Variants in TMX1 observed in about 807,000 individuals in gnomAD.
TMX1 encodes thioredoxin-related transmembrane protein 1.
A neutral mutation model predicts 36.6 loss-of-function variants in TMX1; 25 were observed. The ratio of observed to expected loss-of-function variants is 0.68; its 90% CI spans 0.50 to 0.95. The LOEUF (loss-of-function observed/expected upper bound fraction) is 0.95. Among genes scored for constraint, TMX1 ranks in the 40% least tolerant of loss-of-function variants. The pLI is 0.00. For missense variants in TMX1, 347 were observed against 339.6 expected (o/e 1.02, Z -0.17); for synonymous variants, 133 against 118.0 (o/e 1.13, Z -0.82).
intron 1 of TMX1, 107 bp downstream of exon 1, chr14:51,240,551 G>T: frequency 7.0e-7 from 1 of 1,432,934 alleles, no homozygotes. Context: ...CCTCCGAGTT[G>T]CGGAGCGAGC....
intron 4 of TMX1, among the ~76,000 whole-genome samples, chr14:51,247,875 A>G (rs1384314076): frequency 6.6e-6 from 1 of 152,210 alleles, no homozygotes; most frequent in Non-Finnish European, 1.5e-5. Context: ...TTGAATGAGT[A>G]GGCTCAAACT....
chr14:51,243,769 A>G (rs2065772842), intron 1 of TMX1, 87 bp from the exon 2 acceptor site: 26 of 900,910 alleles, frequency 2.9e-5, no homozygotes, highest in Non-Finnish European at 4.0e-5. Flanking sequence ...TATTCTTCAT[A>G]AATTATACAT....
At chr14:51,250,771 G>A (rs984505023) in intron 7 of TMX1, among the ~76,000 whole-genome samples, 2 of 152,154 alleles carry the variant, frequency 1.3e-5, no homozygotes, top group African/African-American at 2.4e-5. Flanking sequence ...GATTACAGGC[G>A]TGAGCCACTG....
At chr14:51,250,554 C>T (rs1275030735) in intron 7 of TMX1, among the ~76,000 whole-genome samples, 5 of 152,132 alleles carry the variant, frequency 3.3e-5, no homozygotes, top group Admixed American at 3.3e-4. Flanking sequence ...TGCAGTGGCG[C>T]GATCTTGGCT....
At chr14:51,249,415 C>A in intron 5 of TMX1, 44 bp downstream of exon 5, 1 of 1,589,500 alleles carries the variant, frequency 6.3e-7, no homozygotes, top group South Asian at 1.2e-5. Flanking sequence ...TTACCACTAT[C>A]ACTTTAACAA....
chr14:51,250,286 T>C (rs2065805580), intron 7 of TMX1, among the ~76,000 whole-genome samples: 1 of 152,230 alleles, frequency 6.6e-6, no homozygotes, highest in Non-Finnish European at 1.5e-5. Context: ...GAAGCATTTA[T>C]ATTTGCAGTT....
In TMX1 at chr14:51,256,956, C is replaced by CT. The variant is rs200399544; in HGVS notation, c.*2451dup. 0.016 allele frequency: 2,288 copies of CT among 139,128 alleles called. 29 individuals carry two copies. Among genetic ancestry groups the CT allele is most frequent in the East Asian group, 0.066 (321 of 4,880 alleles). The allele number at this position is 139,128 out of a possible 1,614,324, so 8.6% of individuals were successfully genotyped here. A position where few individuals can be genotyped will look rare whatever the true frequency, so the allele number is the denominator to read the frequency against. ...AAATTCAGCAATCTCTTATTTTGGT[C>CT]TTTTTTTTTTTTTTGAGACAGAGTT... On this transcript the variant is annotated 3_prime_UTR_variant, in exon 8 of 8. Coordinates refer to ENST00000457354, the MANE Select transcript of TMX1 (RefSeq NM_030755.5).
intron 1 of TMX1, among the ~76,000 whole-genome samples, chr14:51,242,880 A>G (rs1172650061): frequency 2.6e-5 from 4 of 152,234 alleles, no homozygotes; most frequent in Admixed American, 2.6e-4. Flanking sequence ...TATCTACAGT[A>G]AATCCATTTC....
chr14:51,243,516 A>T (rs1263560333), intron 1 of TMX1, among the ~76,000 whole-genome samples: 3 of 152,200 alleles, frequency 2.0e-5, no homozygotes, highest in African/African-American at 4.8e-5. Context: ...AAATTATTAA[A>T]ATTGGTAAGC....
rs1231163034 is a variant in TMX1, at chr14:51,240,253, A to T, written c.-40A>T. 5 of 1,599,116 alleles carry T rather than the reference A, an allele frequency of 3.1e-6. No homozygotes were observed. In the African/African-American group the frequency reaches 6.7e-5, roughly 21 times the overall value. ...AGCAGCCCGCGAGGGCGGAAGTGGG[A>T]GCTGCGACCGCGCTCCCTGTGAGGT... On this transcript the variant is annotated 5_prime_UTR_variant, in exon 1 of 8. Transcript: ENST00000457354.
At chr14:51,240,660 T>A (rs115387866) in intron 1 of TMX1, among the ~76,000 whole-genome samples, 3,219 of 152,278 alleles carry the variant, frequency 0.021, 105 homozygotes, top group African/African-American at 0.066. Context: ...TCTTCTGGGG[T>A]GCACCCTCGT....
In TMX1 at chr14:51,255,701, A is replaced by G. The variant is rs1470287822; in HGVS notation, c.*1182A>G. 1 of 152,060 alleles carries G rather than the reference A, an allele frequency of 6.6e-6. No individual in the cohort carries two copies. Among genetic ancestry groups the G allele is most frequent in the Non-Finnish European group, 1.5e-5 (1 of 67,928 alleles). The allele number at this position is 152,060 out of a possible 1,614,324, so 9.4% of individuals were successfully genotyped here. A position where few individuals can be genotyped will look rare whatever the true frequency, so the allele number is the denominator to read the frequency against. ...TTCCTGACTGGTAATATTGTGTGGG[A>G]TTTCACAGGTAAAAGTCAGTAGGAT... On this transcript the variant is annotated 3_prime_UTR_variant, in exon 8 of 8. Coordinates refer to ENST00000457354, the MANE Select transcript of TMX1 (RefSeq NM_030755.5).
At chr14:51,242,349 T>G (rs969645245) in intron 1 of TMX1, among the ~76,000 whole-genome samples, 1 of 152,154 alleles carries the variant, frequency 6.6e-6, no homozygotes, top group African/African-American at 2.4e-5. Context: ...AGTGATCGTG[T>G]GTGTATATGC....
At chr14:51,252,410 C>T (rs1265546764) in intron 7 of TMX1, among the ~76,000 whole-genome samples, 3 of 151,444 alleles carry the variant, frequency 2.0e-5, no homozygotes, top group African/African-American at 7.3e-5. Context: ...TTGGGCATCC[C>T]AACTCTACCA....
rs1362047867 is a variant in TMX1 at position 51,257,270 on chromosome 14, A to G, written c.*2751A>G. The stretch of plus-strand genomic sequence containing the variant: ...GCAGTAAATGATGCTTTAGAAAGCA[A>G]TTTTCTCTCATCAGTTTCGTCCTTA... On this transcript the variant is annotated 3_prime_UTR_variant, in exon 8 of 8. Transcript: ENST00000457354. 1 of 152,078 alleles carries G rather than the reference A, an allele frequency of 6.6e-6. No homozygotes were observed. Among genetic ancestry groups the G allele is most frequent in the East Asian group, 1.9e-4 (1 of 5,206 alleles). The allele number at this position is 152,078 out of a possible 1,614,324, so 9.4% of individuals were successfully genotyped here.
chr14:51,243,726 C>T (rs1266500695), intron 1 of TMX1, 130 bp from the exon 2 acceptor site: 1 of 613,972 alleles, frequency 1.6e-6, no homozygotes, highest in Non-Finnish European at 2.5e-6. Flanking sequence ...ATAAAATTAA[C>T]CACCTTATCA....
At chr14:51,240,945 A>G (rs2065757986) in intron 1 of TMX1, among the ~76,000 whole-genome samples, 1 of 151,756 alleles carries the variant, frequency 6.6e-6, no homozygotes, top group South Asian at 2.1e-4. Context: ...TTTTTAATGG[A>G]TTGGGTACGT....
intron 3 of TMX1, among the ~76,000 whole-genome samples, chr14:51,246,295 A>G (rs1208417518): frequency 6.6e-6 from 1 of 152,044 alleles, no homozygotes; most frequent in Non-Finnish European, 1.5e-5. Context: ...TGTTTACCAT[A>G]TCCTTTCTCC....
chr14:51,255,319 A>G lies in TMX1; in HGVS notation c.*800A>G, dbSNP rs2065833530. On this transcript the variant is annotated 3_prime_UTR_variant, in exon 8 of 8. Coordinates refer to ENST00000457354, the MANE Select transcript of TMX1 (RefSeq NM_030755.5). The stretch of plus-strand genomic sequence containing the variant: ...ACTGAGAGATCCATCAAATTGAACA[A>G]TCTGTTGTAATTTAAAATTTTGGCC... 1 of 151,494 alleles carries G rather than the reference A, an allele frequency of 6.6e-6. No homozygotes were observed. Among genetic ancestry groups the G allele is most frequent in the Admixed American group, 6.6e-5 (1 of 15,222 alleles). 9.4% of individuals were successfully genotyped at this position (151,494 alleles called of 1,614,324 possible).
Sources: gnomAD v4.1 joint callset for allele counts (sites outside exome capture counted in the v4.1 genomes callset) on GRCh38, gnomAD v4.1.1 for gene constraint, MANE v1.5 for transcripts, NCBI Gene and HGNC (gene_info 2026-07-23, HGNC 2026-07-21) for gene names.